UFL1: variants seen among roughly 807,000 people sequenced by gnomAD.
UFL1 encodes E3 UFM1-protein ligase 1.
A neutral mutation model predicts 99.3 loss-of-function variants in UFL1; 78 were observed. That is an observed-to-expected ratio of 0.79 (90% CI 0.65 to 0.95). The LOEUF is 0.95. Ranked by LOEUF, UFL1 falls within the 40% of genes least tolerant of loss-of-function variation. The pLI, the probability that UFL1 is intolerant of heterozygous loss-of-function variation, is 0.00. For synonymous variants in UFL1, 335 were observed against 322.2 expected (o/e 1.04, Z -0.42); for missense variants, 936 against 937.0 (o/e 1.00, Z 0.01).
At chr6:96,544,104 C>G (rs1769967630) in intron 12 of UFL1, among the ~76,000 whole-genome samples, 1 of 150,896 alleles carries the variant, frequency 6.6e-6, no homozygotes, top group African/African-American at 2.4e-5. Flanking sequence ...CCATGCAAAA[C>G]AAGTATTAGG....
In UFL1 at chr6:96,524,373, TC is replaced by T; in HGVS notation, c.224-8del. ...TCATTTAAAATAAATGAATGTCTTTTCTTCAAAGGTCGAGTAAACATTGTTG... is the reference window on the plus strand; with the variant it reads ...TCATTTAAAATAAATGAATGTCTTTTTTCAAAGGTCGAGTAAACATTGTTG... On this transcript the variant is annotated splice_polypyrimidine_tract_variant and splice_region_variant and intron_variant, in intron 2 of 18. Transcript: ENST00000369278. 1.3e-6 allele frequency: 2 copies of T among 1,589,000 alleles called. No homozygotes were observed. The highest frequency in any genetic ancestry group is 1.7e-6 in the Non-Finnish European group (2 of 1,170,516).
At chr6:96,546,255 A>G (rs1263857522) in intron 12 of UFL1, among the ~76,000 whole-genome samples, 1 of 149,996 alleles carries the variant, frequency 6.7e-6, no homozygotes, top group Non-Finnish European at 1.5e-5. Flanking sequence ...TCAAGAACTC[A>G]GTCTTATTTT....
chr6:96,530,274 T>C (rs1357992135), intron 6 of UFL1, among the ~76,000 whole-genome samples: 4 of 152,228 alleles, frequency 2.6e-5, no homozygotes, highest in Non-Finnish European at 4.4e-5. Flanking sequence ...TGCTGTTTTT[T>C]CATGTTATAC....
chr6:96,528,484 G>A lies in UFL1; in HGVS notation c.466-18G>A, dbSNP rs1301081659. The A allele has an allele frequency of 3.1e-6, 5 of 1,605,256 alleles. No homozygotes were observed. Among genetic ancestry groups the A allele is most frequent in the Middle Eastern group, 1.7e-4 (1 of 5,980 alleles). Reference sequence around the variant, plus strand: ...TCTTTTCTTTTAAATTAATAAAAATGTACATCTTTACCCACAGGCACTAAC... The same window carrying A: ...TCTTTTCTTTTAAATTAATAAAAATATACATCTTTACCCACAGGCACTAAC... On this transcript the variant is annotated intron_variant, in intron 5 of 18. Coordinates refer to ENST00000369278, the MANE Select transcript of UFL1 (RefSeq NM_015323.5).
At chr6:96,543,090 T>A (rs1466463491) in intron 12 of UFL1, 74 bp downstream of exon 12, 3 of 1,493,292 alleles carry the variant, frequency 2.0e-6, no homozygotes, top group Non-Finnish European at 2.7e-6. Context: ...ATGTATATAA[T>A]TAGGTATATA....
intron 4 of UFL1, among the ~76,000 whole-genome samples, chr6:96,525,845 A>G (rs950982681): frequency 4.6e-5 from 7 of 152,130 alleles, no homozygotes; most frequent in African/African-American, 1.4e-4. Context: ...AATGAAAATC[A>G]AATACAAATT....
intron 11 of UFL1, among the ~76,000 whole-genome samples, chr6:96,541,598 TC>T (rs1368290643): frequency 1.3e-5 from 2 of 150,006 alleles, no homozygotes; most frequent in Non-Finnish European, 3.0e-5. Context: ...TCTCTATTCT[TC>T]CAGGAAAATT....
intron 17 of UFL1, 128 bp from the exon 18 acceptor site, chr6:96,552,354 G>A (rs1582447705): frequency 9.4e-7 from 1 of 1,060,308 alleles, no homozygotes; most frequent in Non-Finnish European, 1.3e-6. Flanking sequence ...ATATTGAAAA[G>A]TTACCTTAAA....
intron 6 of UFL1, among the ~76,000 whole-genome samples, chr6:96,533,931 T>C (rs1003495138): frequency 3.3e-5 from 5 of 151,784 alleles, no homozygotes; most frequent in African/African-American, 1.2e-4. Flanking sequence ...TGACATCCAC[T>C]TGAATATTCC....
intron 10 of UFL1, 150 bp downstream of exon 10, chr6:96,538,960 C>T (rs1389826733): frequency 1.4e-6 from 1 of 704,350 alleles, no homozygotes. Flanking sequence ...TATTTTGTCT[C>T]CCAGATTTAT....
intron 7 of UFL1, 48 bp downstream of exon 7, chr6:96,534,369 T>A: frequency 7.6e-7 from 1 of 1,311,912 alleles, no homozygotes; most frequent in Non-Finnish European, 1.0e-6. Flanking sequence ...CTGAATAGAC[T>A]ATTAATGTAA....
chr6:96,549,612 T>C (rs1562256990), intron 14 of UFL1, 34 bp downstream of exon 14: 1 of 1,588,938 alleles, frequency 6.3e-7, no homozygotes. Flanking sequence ...TGTTTTTTCA[T>C]TGATTTTCAT....
Position 96,542,992 on chromosome 6 carries a change from G to A in UFL1, c.1378G>A (p.Asp460Asn). 6.3e-7 allele frequency: 1 copy of A among 1,597,170 alleles called. No individual in the cohort carries two copies. Among genetic ancestry groups the A allele is most frequent in the Admixed American group, 1.7e-5 (1 of 57,898 alleles). Residue 460 changes from aspartate to asparagine, a missense_variant, in exon 12 of 19, where the codon GAT becomes AAT. Coordinates refer to ENST00000369278, the MANE Select transcript of UFL1 (RefSeq NM_015323.5). ...KKGRKDDDSD[D>N]ESQSSHTGKK... The stretch of plus-strand genomic sequence containing the variant: ...AGGAAGAAAAGATGATGATAGTGAT[G>A]ATGAATCTCAATCATCCCACACTGG...
chr6:96,525,033 G>C (rs9480710), intron 3 of UFL1, among the ~76,000 whole-genome samples: 6,843 of 151,230 alleles, frequency 0.045, 455 homozygotes, highest in African/African-American at 0.14. Flanking sequence ...TATTATTTCA[G>C]ATTGATTCAA....
chr6:96,527,570 A>G (rs1480103074), intron 5 of UFL1, among the ~76,000 whole-genome samples: 1 of 152,186 alleles, frequency 6.6e-6, no homozygotes, highest in East Asian at 1.9e-4. Flanking sequence ...AATACCATTT[A>G]TAGTATAGAT....
chr6:96,533,381 C>A (rs1050066704), intron 6 of UFL1, among the ~76,000 whole-genome samples: 1 of 151,992 alleles, frequency 6.6e-6, no homozygotes, highest in Non-Finnish European at 1.5e-5. Context: ...AGTATATAAA[C>A]AAAATGTGGT....
chr6:96,532,217 A>G (rs1300071127), intron 6 of UFL1, among the ~76,000 whole-genome samples: 1 of 152,200 alleles, frequency 6.6e-6, no homozygotes, highest in Non-Finnish European at 1.5e-5. Context: ...AACACCCACA[A>G]TAAGCTAGGT....
intron 15 of UFL1, among the ~76,000 whole-genome samples, 193 bp from the exon 16 acceptor site, chr6:96,551,240 C>T (rs1043145802): frequency 6.6e-6 from 1 of 151,926 alleles, no homozygotes; most frequent in Non-Finnish European, 1.5e-5. Context: ...GTGGGAGGAG[C>T]AGGGCTGTAT....
chr6:96,549,932 T>C, intron 15 of UFL1, 133 bp downstream of exon 15: 1 of 1,278,630 alleles, frequency 7.8e-7, no homozygotes, highest in African/African-American at 1.5e-5. Flanking sequence ...ATCTAAAAGT[T>C]TTTTATTCAA....
Sources: gnomAD v4.1 joint callset for allele counts (sites outside exome capture counted in the v4.1 genomes callset) on GRCh38, gnomAD v4.1.1 for gene constraint, MANE v1.5 for transcripts, NCBI Gene and HGNC (gene_info 2026-07-23, HGNC 2026-07-21) for gene names.